SCN10A: variants seen among roughly 807,000 people sequenced by gnomAD.
SCN10A encodes the protein sodium channel protein type 10 subunit alpha.
Under a neutral mutation model 170.7 loss-of-function variants are expected in SCN10A, and 162 were observed. That is an observed-to-expected ratio of 0.95 (90% confidence interval 0.84 to 1.08). The LOEUF (loss-of-function observed/expected upper bound fraction) is 1.08, where lower values mean the gene tolerates loss of function less well. SCN10A is among the 50% of genes least tolerant of loss of function. SCN10A has a pLI of 0.00. For synonymous variants in SCN10A, 985 were observed against 904.6 expected (o/e 1.09, Z -1.59); for missense variants, 2,527 against 2,436.9 (o/e 1.04, Z -0.78).
chr3:38,698,990 T>A (rs1179072129), intron 27 of SCN10A, among the ~76,000 whole-genome samples: 2 of 152,054 alleles, frequency 1.3e-5, no homozygotes, highest in Non-Finnish European at 2.9e-5. Context: ...TCCACCCTGG[T>A]CCTGTGCTCT....
chr3:38,771,988 A>T (rs2064006164), intron 4 of SCN10A, among the ~76,000 whole-genome samples: 1 of 152,230 alleles, frequency 6.6e-6, no homozygotes, highest in African/African-American at 2.4e-5. Flanking sequence ...AAAGTTTTTT[A>T]CAGGAACCAG....
At chr3:38,766,103 GA>G (rs1230247368) in intron 5 of SCN10A, among the ~76,000 whole-genome samples, 2 of 151,792 alleles carry the variant, frequency 1.3e-5, no homozygotes, top group African/African-American at 4.8e-5. Context: ...AAACTTTACT[GA>G]ATTCATTTAT....
At chr3:38,745,948 T>C in intron 13 of SCN10A, among the ~76,000 whole-genome samples, 1 of 151,212 alleles carries the variant, frequency 6.6e-6, no homozygotes. Context: ...CCTTCTTCTC[T>C]TCTTACTTCA....
Position 38,697,216 on chromosome 3 carries a change from G to A in SCN10A, c.*133C>T, listed in dbSNP as rs1344913012. The A allele has an allele frequency of 7.0e-7, 1 of 1,424,390 alleles. No homozygotes were observed. Among genetic ancestry groups the A allele is most frequent in the South Asian group, 1.4e-5 (1 of 70,472 alleles). The allele number at this position is 1,424,390 out of a possible 1,614,324, so 88.2% of individuals were successfully genotyped here. A position where few individuals can be genotyped will look rare whatever the true frequency, so the allele number is the denominator to read the frequency against. The stretch of plus-strand genomic sequence containing the variant: ...AAGGTGGTTACCAGTTGCATTCCCT[G>A]CCCAGTTCTGACATTGTGACCAGTG... On this transcript the variant is annotated 3_prime_UTR_variant, in exon 28 of 28. Transcript: ENST00000449082.
At chr3:38,799,951 G>T (rs189112757) in intron 1 of SCN10A, among the ~76,000 whole-genome samples, 1 of 152,154 alleles carries the variant, frequency 6.6e-6, no homozygotes, top group East Asian at 1.9e-4. Flanking sequence ...AGGGTCTCTG[G>T]GATCCCTGGT....
intron 13 of SCN10A, among the ~76,000 whole-genome samples, chr3:38,745,463 A>AAAAC (rs907415918): frequency 1.2e-4 from 18 of 152,118 alleles, no homozygotes; most frequent in Admixed American, 6.5e-5. Flanking sequence ...AAATATGCTC[A>AAAAC]AAACAAACAA....
intron 3 of SCN10A, 23 bp from the exon 4 acceptor site, chr3:38,789,059 A>G: frequency 7.0e-7 from 1 of 1,422,236 alleles, no homozygotes. Flanking sequence ...TGTTAAGGAA[A>G]AGCTGAGATC....
At chr3:38,734,279 C>T (rs2063538493) in intron 15 of SCN10A, among the ~76,000 whole-genome samples, 1 of 152,192 alleles carries the variant, frequency 6.6e-6, no homozygotes, top group African/African-American at 2.4e-5. Context: ...ACCTTGGCCT[C>T]CCAAAATTCT....
At position 38,747,247 on chromosome 3, in the gene SCN10A, A is replaced by C. The variant is rs80006519; in HGVS notation, c.1867+2826T>G. On this transcript the variant is annotated intron_variant, in intron 13 of 27. Coordinates refer to ENST00000449082, the MANE Select transcript of SCN10A (RefSeq NM_006514.4). ...ACCCCAACATATTTGCCTATTACTT[A>C]TTTTCTTCCTTTTTATCAGTTCACA... Among the ~76,000 whole-genome samples, 1,117 of 152,102 alleles carry C rather than the reference A, an allele frequency of 7.3e-3. 15 individuals carry two copies. The highest frequency in any genetic ancestry group is 0.01 in the Admixed American group (156 of 15,286).
At chr3:38,714,198 A>T (rs1342445271) in intron 21 of SCN10A, 118 bp from the exon 22 acceptor site, 2 of 1,224,590 alleles carry the variant, frequency 1.6e-6, no homozygotes, top group Non-Finnish European at 2.3e-6. Flanking sequence ...CCATCATCCT[A>T]GCTCCCACCT....
chr3:38,805,422 G>A (rs529265004), intron 1 of SCN10A, among the ~76,000 whole-genome samples: 6 of 152,244 alleles, frequency 3.9e-5, no homozygotes, highest in African/African-American at 1.2e-4. Context: ...CCATGGCAAC[G>A]TGAGCATGAG....
In SCN10A at chr3:38,699,989, C is replaced by T. The variant is rs141514848; in HGVS notation, c.4658-1427G>A. 4.9e-3 allele frequency among the ~76,000 whole-genome samples: 740 copies of T among 152,264 alleles called. 26 individuals carry two copies. Among genetic ancestry groups the T allele is most frequent in the Admixed American group, 0.043 (664 of 15,296 alleles). ...ACAGGAACTGGTAGTTAAGATATCC[C>T]CATCATAGAACTAAGTACTTGGCTA... On this transcript the variant is annotated intron_variant, in intron 27 of 27. Coordinates refer to ENST00000449082, the MANE Select transcript of SCN10A (RefSeq NM_006514.4).
At chr3:38,704,408 G>A (rs902595877) in intron 26 of SCN10A, among the ~76,000 whole-genome samples, 1 of 152,182 alleles carries the variant, frequency 6.6e-6, no homozygotes, top group African/African-American at 2.4e-5. Context: ...AGCAGGCAAC[G>A]GCATCGTTAA....
intron 16 of SCN10A, 70 bp downstream of exon 16, chr3:38,728,471 CT>C: frequency 6.8e-7 from 1 of 1,463,404 alleles, no homozygotes; most frequent in Non-Finnish European, 9.1e-7. Flanking sequence ...CAGATCAAAG[CT>C]TTTTCAGATA....
chr3:38,707,499 C>T, intron 25 of SCN10A, 116 bp from the exon 26 acceptor site: 2 of 1,007,236 alleles, frequency 2.0e-6, no homozygotes, highest in Non-Finnish European at 3.0e-6. Context: ...TGCAGATAGA[C>T]AAACCAAGCC....
At chr3:38,792,547 G>T (rs533996130) in intron 2 of SCN10A, among the ~76,000 whole-genome samples, 1 of 152,298 alleles carries the variant, frequency 6.6e-6, no homozygotes, top group African/African-American at 2.4e-5. Context: ...AACCATCCTT[G>T]TTTTGTAATG....
chr3:38,808,063 A>T (rs1338005282), intron 1 of SCN10A, among the ~76,000 whole-genome samples: 2 of 151,836 alleles, frequency 1.3e-5, no homozygotes, highest in African/African-American at 2.4e-5. Flanking sequence ...ATTCACATTC[A>T]CCCCGTGTGA....
chr3:38,806,688 G>A (rs975885546), intron 1 of SCN10A, among the ~76,000 whole-genome samples: 1 of 152,092 alleles, frequency 6.6e-6, no homozygotes, highest in Non-Finnish European at 1.5e-5. Flanking sequence ...ATAGACAAAT[G>A]CATAATATAG....
intron 15 of SCN10A, among the ~76,000 whole-genome samples, chr3:38,734,610 T>C (rs2063541639): frequency 6.6e-6 from 1 of 152,194 alleles, no homozygotes; most frequent in African/African-American, 2.4e-5. Context: ...TCTCAATACA[T>C]GTAGAATAAT....
Sources: allele counts gnomAD v4.1 joint callset (sites outside exome capture counted in the v4.1 genomes callset), GRCh38; gene constraint gnomAD v4.1.1; transcripts MANE v1.5; gene names NCBI Gene and HGNC (gene_info 2026-07-23, HGNC 2026-07-21).